The following GPLD1 variants were observed in gnomAD, a reference collection of about 807,000 sequenced individuals.
GPLD1 encodes the protein phosphatidylinositol-glycan-specific phospholipase D.
A neutral mutation model predicts 112.6 loss-of-function variants in GPLD1; 84 were observed. The ratio of observed to expected loss-of-function variants is 0.75; its 90% CI spans 0.63 to 0.89. The LOEUF (loss-of-function observed/expected upper bound fraction) is 0.89. Ranked by LOEUF, GPLD1 falls within the 40% of genes least tolerant of loss-of-function variation. GPLD1 has a pLI of 0.00. For synonymous variants in GPLD1, 386 were observed against 403.8 expected (o/e 0.96, Z 0.53); for missense variants, 1,044 against 1,051.5 (o/e 0.99, Z 0.10).
chr6:24,453,946 G>A, intron 14 of GPLD1, 69 bp downstream of exon 14: 2 of 964,734 alleles, frequency 2.1e-6, no homozygotes, highest in Non-Finnish European at 3.2e-6. Context: ...ACTCATCCTG[G>A]AGAATCTGCC....
At chr6:24,481,937 C>G (rs917093510) in intron 2 of GPLD1, among the ~76,000 whole-genome samples, 1 of 152,144 alleles carries the variant, frequency 6.6e-6, no homozygotes, top group Non-Finnish European at 1.5e-5. Context: ...TGTATTAAGA[C>G]TTGTTGAATC....
At chr6:24,494,716 A>G in intron 1 of GPLD1, 1 of 322,518 alleles carries the variant, frequency 3.1e-6, no homozygotes, top group Non-Finnish European at 5.6e-6. Context: ...TCTACTGGCG[A>G]GCCTTCTCCA....
chr6:24,485,272 T>C (rs1764331291), intron 2 of GPLD1, among the ~76,000 whole-genome samples: 1 of 152,222 alleles, frequency 6.6e-6, no homozygotes, highest in South Asian at 2.1e-4. Flanking sequence ...GCATAGTGGC[T>C]CATGCCTATA....
chr6:24,489,594 G>A, upstream of GPLD1: 2 of 1,590,934 alleles, frequency 1.3e-6, no homozygotes, highest in South Asian at 2.3e-5. Context: ...TCCAGGTGCA[G>A]ACCCACCGCT....
chr6:24,488,573 G>C (rs1320904582), intron 1 of GPLD1, among the ~76,000 whole-genome samples: 1 of 152,080 alleles, frequency 6.6e-6, no homozygotes, highest in African/African-American at 2.4e-5. Context: ...AAATCCTTTT[G>C]CTAAGAAAGA....
chr6:24,478,758 GCT>G (rs1491309891), intron 3 of GPLD1, among the ~76,000 whole-genome samples: 1 of 111,654 alleles, frequency 9.0e-6, no homozygotes, highest in African/African-American at 3.9e-5. Flanking sequence ...TCTTCATGCA[GCT>G]CTCTCTCTCC....
At chr6:24,439,857 G>A (rs931583385) in intron 20 of GPLD1, among the ~76,000 whole-genome samples, 4 of 152,124 alleles carry the variant, frequency 2.6e-5, no homozygotes, top group African/African-American at 9.7e-5. Flanking sequence ...AGTTAACATA[G>A]AATTCCTTCT....
At chr6:24,459,993 G>C (rs372576819) in intron 12 of GPLD1, among the ~76,000 whole-genome samples, 10 of 151,980 alleles carry the variant, frequency 6.6e-5, no homozygotes, top group African/African-American at 2.4e-4. Flanking sequence ...TGAACTCCTG[G>C]GCTCAAGCAA....
intron 3 of GPLD1, among the ~76,000 whole-genome samples, chr6:24,478,487 G>A (rs77902909): frequency 0.11 from 13,994 of 131,728 alleles, 871 homozygotes; most frequent in Middle Eastern, 0.16. Flanking sequence ...AGTACCCAGC[G>A]TGCTGGGGGC....
intron 2 of GPLD1, among the ~76,000 whole-genome samples, chr6:24,482,771 T>C (rs56763150): frequency 0.18 from 26,952 of 151,320 alleles, 2,777 homozygotes; most frequent in African/African-American, 0.28. Context: ...CCAGCCTGGG[T>C]GACATGGCAA....
At chr6:24,454,537 A>G (rs1763204433) in intron 13 of GPLD1, among the ~76,000 whole-genome samples, 3 of 152,262 alleles carry the variant, frequency 2.0e-5, no homozygotes, top group Non-Finnish European at 4.4e-5. Flanking sequence ...ATTCATGTCC[A>G]GCCAAGCCCC....
intron 6 of GPLD1, 109 bp from the exon 7 acceptor site, chr6:24,472,745 C>A: frequency 4.3e-6 from 3 of 694,104 alleles, no homozygotes; most frequent in South Asian, 1.7e-5. Flanking sequence ...CACATTATTA[C>A]ATGTTTTTGT....
chr6:24,475,003 T>C, intron 5 of GPLD1, 118 bp downstream of exon 5: 3 of 615,724 alleles, frequency 4.9e-6, no homozygotes, highest in South Asian at 2.2e-5. Context: ...CAAACACTGC[T>C]TTGGGCAGAA....
At chr6:24,435,243 C>A (rs1446383803) in intron 22 of GPLD1, among the ~76,000 whole-genome samples, 1 of 149,230 alleles carries the variant, frequency 6.7e-6, no homozygotes, top group Non-Finnish European at 1.5e-5. Flanking sequence ...GATCTTCTGA[C>A]CTTGTGATCC....
rs1160602255 is a variant in GPLD1, at chr6:24,426,780, TTAAAAG to T, written c.*2246_*2251del. ...CCCCTAAAAATAACCATCCTTTTAATTAAAAGTAATTCTTCAGATAGGTTGGGCTAC... is the reference window on the plus strand; with the variant it reads ...CCCCTAAAAATAACCATCCTTTTAATTAATTCTTCAGATAGGTTGGGCTAC... On this transcript the variant is annotated 3_prime_UTR_variant, in exon 25 of 25. Transcript: ENST00000230036. Among the ~76,000 whole-genome samples, 1 of 152,316 alleles carries T rather than the reference TTAAAAG, an allele frequency of 6.6e-6. No individual in the cohort carries two copies. The highest frequency in any genetic ancestry group is 1.5e-5 in the Non-Finnish European group (1 of 68,030).
At chr6:24,479,769 C>T (rs1581784406) in intron 3 of GPLD1, 112 bp downstream of exon 3, 2 of 590,934 alleles carry the variant, frequency 3.4e-6, no homozygotes, top group East Asian at 2.8e-5. Flanking sequence ...GGAAAATATA[C>T]TGTGCAATTA....
chr6:24,439,773 G>C (rs959483020), intron 20 of GPLD1, among the ~76,000 whole-genome samples: 1 of 152,214 alleles, frequency 6.6e-6, no homozygotes, highest in East Asian at 1.9e-4. Flanking sequence ...GCTACATGCA[G>C]AGGCCTTTAT....
rs773153325 is a variant in GPLD1, at chr6:24,475,180, C to T, written c.382G>A (p.Ala128Thr). 3 of 1,613,066 alleles carry T rather than the reference C, an allele frequency of 1.9e-6. No individual in the cohort carries two copies. The highest frequency in any genetic ancestry group is 1.7e-6 in the Non-Finnish European group (2 of 1,179,054). ...FLFGITSHMA[A>T]DVSWHSLGLE... ...CCCAGACTATGCCAGCTGACATCTGCCGCCATGTGAGAAGTAATTCCAAAC... is the reference window on the plus strand; with the variant it reads ...CCCAGACTATGCCAGCTGACATCTGTCGCCATGTGAGAAGTAATTCCAAAC... The change falls in exon 5 of 25, where the codon GCA becomes ACA. Residue 128 changes from alanine (A) to threonine (T), a missense_variant. Ala to Thr is a moderately conservative substitution (Grantham distance 58). Transcript: ENST00000230036.
chr6:24,474,925 C>T (rs946758241), intron 5 of GPLD1, among the ~76,000 whole-genome samples, 196 bp downstream of exon 5: 7 of 141,356 alleles, frequency 5.0e-5, no homozygotes, highest in Non-Finnish European at 1.1e-4. Context: ...TCCAGCCTGG[C>T]AACAGAGTGA....
Sources: gnomAD v4.1 joint callset for allele counts (sites outside exome capture counted in the v4.1 genomes callset) on GRCh38, gnomAD v4.1.1 for gene constraint, MANE v1.5 for transcripts, NCBI Gene and HGNC (gene_info 2026-07-23, HGNC 2026-07-21) for gene names.